The following KCNT2 variants were observed in gnomAD, a reference collection of about 807,000 sequenced individuals.
KCNT2 encodes potassium channel subfamily T member 2.
Under a neutral mutation model 153.8 loss-of-function variants are expected in KCNT2, and 67 were observed. The ratio of observed to expected loss-of-function variants is 0.44; its 90% CI spans 0.36 to 0.53. KCNT2 has a LOEUF of 0.53. Among genes scored for constraint, KCNT2 ranks in the 20% least tolerant of loss-of-function variants. KCNT2 has a pLI of 0.00. For synonymous variants in KCNT2, 500 were observed against 458.8 expected, an observed-to-expected ratio of 1.09 and a Z score of -1.15; for missense variants, 975 against 1,354.8, an observed-to-expected ratio of 0.72 and a Z score of 4.40.
intron 13 of KCNT2, among the ~76,000 whole-genome samples, chr1:196,387,753 T>A (rs1259058816): frequency 6.6e-5 from 10 of 151,924 alleles, no homozygotes; most frequent in African/African-American, 2.4e-4. Context: ...TACCTATTTT[T>A]ATTGGTTTGT....
chr1:196,261,164 G>A (rs773464922), intron 25 of KCNT2, among the ~76,000 whole-genome samples: 93 of 151,916 alleles, frequency 6.1e-4, no homozygotes, highest in Non-Finnish European at 1.1e-3. Flanking sequence ...AAATAGTATA[G>A]TGCTGGATAC....
intron 13 of KCNT2, among the ~76,000 whole-genome samples, chr1:196,384,204 C>G (rs141728818): frequency 6.6e-6 from 1 of 152,168 alleles, no homozygotes; most frequent in South Asian, 2.1e-4. Context: ...GAAACTAAAG[C>G]TGTTAACTTC....
chr1:196,273,559 C>T (rs912555762), intron 25 of KCNT2: 6 of 1,101,538 alleles, frequency 5.4e-6, no homozygotes, highest in Non-Finnish European at 7.9e-6. Flanking sequence ...TAGATGCATG[C>T]CAACAATCAG....
Position 196,417,752 on chromosome 1 carries a change from A to T in KCNT2, c.1185+5298T>A, listed in dbSNP as rs533112641. On this transcript the variant is annotated intron_variant, in intron 12 of 27. Coordinates refer to ENST00000294725, the MANE Select transcript of KCNT2 (RefSeq NM_198503.5). ...TAGACGATTTTGTCATTGGGCATAG[A>T]CTGTACTTACACAAACCTAAATGGT... is the stretch of plus-strand genomic sequence containing the variant. Among the ~76,000 whole-genome samples, 62 of 152,220 alleles carry T rather than the reference A, an allele frequency of 4.1e-4. 1 individual carries two copies. In the South Asian group the frequency reaches 0.01, roughly 25 times the overall value.
intron 1 of KCNT2, among the ~76,000 whole-genome samples, chr1:196,602,011 G>T (rs1286043361): frequency 1.3e-5 from 2 of 151,574 alleles, no homozygotes; most frequent in African/African-American, 2.4e-5. Flanking sequence ...TCTGTGAAAA[G>T]GATTTTTTTC....
chr1:196,261,646 C>T (rs1657035513), intron 25 of KCNT2, among the ~76,000 whole-genome samples: 1 of 151,862 alleles, frequency 6.6e-6, no homozygotes, highest in South Asian at 2.1e-4. Context: ...AATCAAGATG[C>T]TAAAAACATA....
At chr1:196,279,782 CA>C (rs1296223371) in intron 25 of KCNT2, among the ~76,000 whole-genome samples, 3 of 151,874 alleles carry the variant, frequency 2.0e-5, no homozygotes, top group Non-Finnish European at 4.4e-5. Context: ...AGAAGCAACT[CA>C]GAAAAACTAA....
At chr1:196,598,503 A>G (rs980570050) in intron 1 of KCNT2, among the ~76,000 whole-genome samples, 5 of 152,200 alleles carry the variant, frequency 3.3e-5, no homozygotes, top group African/African-American at 1.2e-4. Flanking sequence ...ACCAACTTCA[A>G]AAATTCCTTA....
At chr1:196,449,977 T>C (rs1183504744) in intron 8 of KCNT2, among the ~76,000 whole-genome samples, 1 of 151,764 alleles carries the variant, frequency 6.6e-6, no homozygotes, top group African/African-American at 2.4e-5. Context: ...TGGTTTAAAA[T>C]AGACAACCAT....
At chr1:196,251,040 A>T (rs944964322) in intron 26 of KCNT2, among the ~76,000 whole-genome samples, 1 of 152,096 alleles carries the variant, frequency 6.6e-6, no homozygotes, top group Non-Finnish European at 1.5e-5. Flanking sequence ...AATTAGTACA[A>T]CCACTATGAG....
At chr1:196,447,044 G>A (rs769017647) in intron 8 of KCNT2, among the ~76,000 whole-genome samples, 6 of 151,478 alleles carry the variant, frequency 4.0e-5, no homozygotes, top group Non-Finnish European at 5.9e-5. Flanking sequence ...ATTGTTAATC[G>A]CTTTGGATGA....
intron 1 of KCNT2, among the ~76,000 whole-genome samples, chr1:196,581,144 A>T (rs193178857): frequency 1.5e-3 from 226 of 152,168 alleles, no homozygotes; most frequent in African/African-American, 5.3e-3. Flanking sequence ...TTCTTTTAGC[A>T]TTTTTACCTT....
intron 26 of KCNT2, among the ~76,000 whole-genome samples, chr1:196,242,498 A>G (rs1183970203): frequency 6.6e-6 from 1 of 152,182 alleles, no homozygotes; most frequent in Non-Finnish European, 1.5e-5. Flanking sequence ...TACTTAAAAA[A>G]TCTAAAAATA....
intron 27 of KCNT2, among the ~76,000 whole-genome samples, chr1:196,233,821 C>T (rs931212599): frequency 4.0e-5 from 6 of 151,372 alleles, no homozygotes; most frequent in African/African-American, 1.5e-4. Flanking sequence ...AAACAAATAT[C>T]ATGTTTTCAT....
chr1:196,256,093 A>G (rs1656459661), intron 26 of KCNT2, among the ~76,000 whole-genome samples: 1 of 152,050 alleles, frequency 6.6e-6, no homozygotes, highest in African/African-American at 2.4e-5. Context: ...AAACACAAGT[A>G]TAAAAATCTT....
intron 12 of KCNT2, among the ~76,000 whole-genome samples, chr1:196,403,488 A>G (rs1671584618): frequency 6.6e-6 from 1 of 151,704 alleles, no homozygotes; most frequent in African/African-American, 2.4e-5. Flanking sequence ...AATGCATGTC[A>G]TATTACATTT....
intron 18 of KCNT2, among the ~76,000 whole-genome samples, chr1:196,327,853 A>T (rs1004043334): frequency 3.3e-5 from 5 of 151,446 alleles, no homozygotes; most frequent in African/African-American, 9.7e-5. Flanking sequence ...ATTTTTGTAG[A>T]TACGGGGTCC....
chr1:196,349,513 C>T (rs1318465078), intron 14 of KCNT2, among the ~76,000 whole-genome samples: 4 of 151,918 alleles, frequency 2.6e-5, no homozygotes, highest in Non-Finnish European at 2.9e-5. Flanking sequence ...AAATGTTTTT[C>T]GGGGAGTGAG....
chr1:196,404,501 A>G (rs1244313997), intron 12 of KCNT2, among the ~76,000 whole-genome samples: 1 of 151,634 alleles, frequency 6.6e-6, no homozygotes, highest in Non-Finnish European at 1.5e-5. Context: ...CTCTCTAGCG[A>G]TAATGCACAT....
Sources: allele counts gnomAD v4.1 joint callset (sites outside exome capture counted in the v4.1 genomes callset), GRCh38; gene constraint gnomAD v4.1.1; transcripts MANE v1.5; gene names NCBI Gene and HGNC (gene_info 2026-07-23, HGNC 2026-07-21).